Variants in DGKB observed in about 807,000 individuals in gnomAD.
DGKB encodes the protein diacylglycerol kinase beta, also known as 90 kDa diacylglycerol kinase.
DGKB carries 67 observed loss-of-function variants against 114.3 expected under a neutral mutation model. That is an observed-to-expected ratio of 0.59 (90% CI 0.48 to 0.72). The LOEUF is 0.72. Among genes scored for constraint, DGKB ranks in the 30% least tolerant of loss-of-function variants. DGKB has a pLI of 0.00. For missense variants in DGKB, 907 were observed against 975.2 expected, an observed-to-expected ratio of 0.93 and a Z score of 0.93; for synonymous variants, 398 against 323.1, an observed-to-expected ratio of 1.23 and a Z score of -2.49.
At chr7:14,641,243 ATTTGGTT>A (rs1172259602) in intron 13 of DGKB, among the ~76,000 whole-genome samples, 2 of 23,778 alleles carry the variant, frequency 8.4e-5, no homozygotes, top group Non-Finnish European at 2.4e-4. Flanking sequence ...CAATATAGGG[ATTTGGTT>A]TACAATATAG....
intron 20 of DGKB, among the ~76,000 whole-genome samples, chr7:14,546,942 T>C: frequency 6.6e-6 from 1 of 152,158 alleles, no homozygotes; most frequent in Non-Finnish European, 1.5e-5. Context: ...TCTAATATTT[T>C]TCCCAACTTT....
chr7:14,193,243 T>C (rs1784566140), intron 23 of DGKB, among the ~76,000 whole-genome samples: 1 of 150,188 alleles, frequency 6.7e-6, no homozygotes, highest in African/African-American at 2.4e-5. Flanking sequence ...AAAGACATAC[T>C]GAGCAAAAAG....
At chr7:14,840,215 G>T (rs557768711) in intron 2 of DGKB, among the ~76,000 whole-genome samples, 2 of 151,968 alleles carry the variant, frequency 1.3e-5, no homozygotes, top group Non-Finnish European at 1.5e-5. Context: ...TCACTATCAC[G>T]TGCTGTTTGG....
At chr7:14,463,935 T>C (rs1833455419) in intron 21 of DGKB, among the ~76,000 whole-genome samples, 1 of 152,122 alleles carries the variant, frequency 6.6e-6, no homozygotes. Flanking sequence ...CACGTTAGGT[T>C]TACAACTGTT....
intron 20 of DGKB, among the ~76,000 whole-genome samples, chr7:14,537,199 G>A (rs1049197884): frequency 2.0e-5 from 3 of 152,070 alleles, no homozygotes; most frequent in Non-Finnish European, 2.9e-5. Context: ...TGATCCTTGA[G>A]TATGGATTGG....
intron 21 of DGKB, among the ~76,000 whole-genome samples, chr7:14,412,784 C>A (rs1490589027): frequency 3.9e-5 from 6 of 152,006 alleles, no homozygotes; most frequent in African/African-American, 1.4e-4. Context: ...GAGTTCGAGA[C>A]CAGCCTGGCC....
chr7:14,622,008 TTC>T (rs1257250102), intron 14 of DGKB, among the ~76,000 whole-genome samples: 1 of 152,070 alleles, frequency 6.6e-6, no homozygotes, highest in East Asian at 1.9e-4. Context: ...GTAAAAAAAT[TTC>T]TTTTAGGAGT....
intron 6 of DGKB, among the ~76,000 whole-genome samples, chr7:14,703,646 A>C (rs1056963503): frequency 1.3e-5 from 2 of 152,132 alleles, no homozygotes; most frequent in African/African-American, 4.8e-5. Flanking sequence ...GGGAGGCGGC[A>C]GTGATTTCAG....
At chr7:14,575,465 C>T (rs1377323449) in intron 19 of DGKB, among the ~76,000 whole-genome samples, 1 of 152,176 alleles carries the variant, frequency 6.6e-6, no homozygotes, top group African/African-American at 2.4e-5. Context: ...GTTATCACTG[C>T]AGCCTAACCC....
chr7:14,367,163 A>G (rs1440269601), intron 21 of DGKB, among the ~76,000 whole-genome samples: 1 of 152,098 alleles, frequency 6.6e-6, no homozygotes, highest in Non-Finnish European at 1.5e-5. Context: ...TCTATAGTGT[A>G]CTGTGTTTCC....
At chr7:14,506,819 G>A (rs1000612340) in intron 20 of DGKB, among the ~76,000 whole-genome samples, 1 of 152,156 alleles carries the variant, frequency 6.6e-6, no homozygotes, top group African/African-American at 2.4e-5. Flanking sequence ...TTGATACCCT[G>A]TAATTTGCTG....
intron 18 of DGKB, 102 bp downstream of exon 18, chr7:14,582,950 A>C (rs1584951244): frequency 1.2e-6 from 1 of 810,216 alleles, no homozygotes; most frequent in Admixed American, 2.0e-5. Context: ...CAATTATATC[A>C]CTGCTTCCAA....
intron 13 of DGKB, among the ~76,000 whole-genome samples, chr7:14,661,970 C>G (rs1817184908): frequency 6.6e-6 from 1 of 151,994 alleles, no homozygotes; most frequent in African/African-American, 2.4e-5. Context: ...AAACCAAACA[C>G]CGCATATTCT....
At chr7:14,736,456 T>C (rs575839965) in intron 4 of DGKB, among the ~76,000 whole-genome samples, 1 of 118,172 alleles carries the variant, frequency 8.5e-6, no homozygotes, top group South Asian at 3.2e-4. Flanking sequence ...ACAGTATCTG[T>C]AATGCCTTGA....
At chr7:14,812,325 C>T (rs1483282436) in intron 2 of DGKB, among the ~76,000 whole-genome samples, 1 of 151,966 alleles carries the variant, frequency 6.6e-6, no homozygotes, top group African/African-American at 2.4e-5. Flanking sequence ...AGTTATTTTT[C>T]ATGCTTTTGT....
chr7:14,263,000 G>C (rs990135555), intron 23 of DGKB, among the ~76,000 whole-genome samples: 1 of 151,830 alleles, frequency 6.6e-6, no homozygotes, highest in Non-Finnish European at 1.5e-5. Flanking sequence ...GGACTAAGAT[G>C]GGTAGTTAAC....
chr7:14,851,196 A>G (rs1483149775), intron 1 of DGKB, among the ~76,000 whole-genome samples: 2 of 152,196 alleles, frequency 1.3e-5, no homozygotes, highest in African/African-American at 4.8e-5. Context: ...TATAAAATTC[A>G]TAATTGTGTT....
chr7:14,896,173 A>C (rs1423501492), intron 1 of DGKB, among the ~76,000 whole-genome samples: 2 of 151,718 alleles, frequency 1.3e-5, no homozygotes, highest in African/African-American at 4.8e-5. Flanking sequence ...ATAAAGCAAA[A>C]CAGAATATCC....
At chr7:14,644,597 G>A (rs1221576487) in intron 13 of DGKB, among the ~76,000 whole-genome samples, 1 of 151,984 alleles carries the variant, frequency 6.6e-6, no homozygotes, top group Non-Finnish European at 1.5e-5. Flanking sequence ...AATTACAGAA[G>A]AAATAATTTC....
Sources: allele counts gnomAD v4.1 joint callset (sites outside exome capture counted in the v4.1 genomes callset), GRCh38; gene constraint gnomAD v4.1.1; transcripts MANE v1.5; gene names NCBI Gene and HGNC (gene_info 2026-07-23, HGNC 2026-07-21).